The following PLCXD1 variants were observed in gnomAD, a reference collection of about 807,000 sequenced individuals.
PLCXD1 encodes phosphatidylinositol specific phospholipase C X domain containing 1.
In PLCXD1, 45 loss-of-function variants were observed where a neutral mutation model predicts 37.8. The observed-to-expected ratio is 1.19, with a 90% CI of 0.94 to 1.53. The LOEUF (loss-of-function observed/expected upper bound fraction) is 1.53, where lower values mean the gene tolerates loss of function less well. Ranked by LOEUF, PLCXD1 falls within the 40% of genes most tolerant of loss-of-function variation. The pLI is 0.00. For missense variants in PLCXD1, 539 were observed against 454.7 expected (o/e 1.19, Z -1.69); for synonymous variants, 246 against 206.9 (o/e 1.19, Z -1.62).
upstream of PLCXD1, among the ~76,000 whole-genome samples, chrX:279,715 A>C (rs1325472368): frequency 6.6e-6 from 1 of 151,614 alleles, no homozygotes; most frequent in Non-Finnish European, 1.5e-5. Flanking sequence ...CGGAGGCTGC[A>C]GTAAGCTGAG....
chrX:279,013 C>T (rs1030082990), upstream of PLCXD1, among the ~76,000 whole-genome samples: 12 of 151,874 alleles, frequency 7.9e-5, no homozygotes, highest in African/African-American at 2.2e-4. Context: ...AGAGAGTCAG[C>T]GAAGGGAGAT....
At position 293,079 on chromosome X, in the gene PLCXD1, C is replaced by G; in HGVS notation, c.594C>G (p.Val198=). 6.2e-7 allele frequency: 1 copy of G among 1,611,564 alleles called. No individual in the cohort carries two copies. Among genetic ancestry groups the G allele is most frequent in the Non-Finnish European group, 8.5e-7 (1 of 1,179,552 alleles). The change falls in exon 6 of 7, where the codon GTC becomes GTG. Residue 198 remains valine (V), a synonymous_variant. Transcript: ENST00000381657. The part of the protein sequence containing the change: ...LRQLWSRGQQ[V]IVSYEDESSL... ...AGCTGTGGTCCCGGGGCCAACAGGT[C>G]ATCGTCTCCTATGAAGACGAGAGCT...
At chrX:282,392 C>A (rs866797420) in intron 1 of PLCXD1, among the ~76,000 whole-genome samples, 1,304 of 100,610 alleles carry the variant, frequency 0.013, 24 homozygotes, top group African/African-American at 0.052. Flanking sequence ...TTAAAAAAAA[C>A]AAAACAAAAC....
At chrX:284,429 G>A in intron 2 of PLCXD1, 115 bp downstream of exon 2, 3 of 1,183,848 alleles carry the variant, frequency 2.5e-6, no homozygotes, top group South Asian at 2.7e-5. Flanking sequence ...GAGCAATCCT[G>A]GGTGTAGGGA....
chrX:301,928 A>C lies in PLCXD1; in HGVS notation c.*2593A>C, dbSNP rs1257957678. 3 of 152,382 alleles carry C rather than the reference A, an allele frequency of 2.0e-5. No individual in the cohort carries two copies. Among genetic ancestry groups the C allele is most frequent in the Admixed American group, 6.5e-5 (1 of 15,286 alleles). 9.4% of individuals were successfully genotyped at this position (152,382 alleles called of 1,614,324 possible). A position where few individuals can be genotyped will look rare whatever the true frequency, so the allele number is the denominator to read the frequency against. ...GGCGTGAGCCACCGCACCTGGCCTC[A>C]AGCCAGTATTTCCCTGGCCCTAAAT... On this transcript the variant is annotated 3_prime_UTR_variant, in exon 7 of 7. Coordinates refer to ENST00000381657, the MANE Select transcript of PLCXD1 (RefSeq NM_018390.4).
rs968112829 is a variant in PLCXD1, at chrX:300,052, CAA to C, written c.*737_*738del. The C allele has an allele frequency of 0.13, 8,956 of 66,450 alleles. 261 individuals are homozygous for C. The highest frequency in any genetic ancestry group is 0.15 in the Middle Eastern group (17 of 114). The allele number at this position is 66,450 out of a possible 1,614,324, so 4.1% of individuals were successfully genotyped here. A position where few individuals can be genotyped will look rare whatever the true frequency, so the allele number is the denominator to read the frequency against. ...TGGGCGACAGAGCGAGACTCCATCT[CAA>C]AAAAAAAAAAAAAAAAAAAGATGGG... On this transcript the variant is annotated 3_prime_UTR_variant, in exon 7 of 7. Transcript: ENST00000381657.
Position 301,183 on chromosome X carries a change from G to C in PLCXD1, c.*1848G>C, listed in dbSNP as rs887204666. ...ACACCCCCACTGCTGGCTAATTTTT[G>C]TATTTTTGGTAGAGTCAGGGTTTCA... On this transcript the variant is annotated 3_prime_UTR_variant, in exon 7 of 7. Coordinates refer to ENST00000381657, the MANE Select transcript of PLCXD1 (RefSeq NM_018390.4). The C allele has an allele frequency of 1.2e-4, 18 of 152,122 alleles. No homozygotes were observed. Among genetic ancestry groups the C allele is most frequent in the African/African-American group, 3.6e-4 (15 of 41,382 alleles). 9.4% of individuals were successfully genotyped at this position (152,122 alleles called of 1,614,324 possible).
chrX:294,986 G>C (rs1184792073), intron 6 of PLCXD1, among the ~76,000 whole-genome samples: 1 of 151,784 alleles, frequency 6.6e-6, no homozygotes, highest in Non-Finnish European at 1.5e-5. Context: ...GACCAGTCTG[G>C]TGAAACCCCA....
upstream of PLCXD1, among the ~76,000 whole-genome samples, chrX:280,354 A>AGGGGAGGCCGTGCAGGAGG (rs2069238967): frequency 3.6e-5 from 2 of 56,114 alleles, 1 homozygote; most frequent in Non-Finnish European, 6.7e-5. Flanking sequence ...GTGCAGGGGG[A>AGGGGAGGCCGTGCAGGAGG]AGGGGGGCCG....
Position 293,191 on chromosome X carries a change from G to A in PLCXD1, c.706G>A (p.Glu236Lys), listed in dbSNP as rs763349087. ...GACCGAGGCCCTCATCCGATACCTG[G>A]AGACCATGAAGAGCTGCGGCCGCCC... The part of the protein sequence containing the change: ...VKTEALIRYL[E>K]TMKSCGRPGG... Residue 236 changes from glutamate (E) to lysine (K), a missense_variant, in exon 6 of 7, where the codon GAG becomes AAG. Transcript: ENST00000381657. The A allele has an allele frequency of 1.9e-6, 3 of 1,612,196 alleles. No homozygotes were observed. The highest frequency in any genetic ancestry group is 1.7e-6 in the Non-Finnish European group (2 of 1,179,490).
intron 6 of PLCXD1, among the ~76,000 whole-genome samples, chrX:295,236 G>A (rs1410969942): frequency 1.3e-5 from 2 of 152,076 alleles, no homozygotes; most frequent in East Asian, 1.9e-4. Flanking sequence ...AAAAGCCACC[G>A]ACGGGGTGTG....
intron 3 of PLCXD1, 45 bp from the exon 4 acceptor site, chrX:290,603 C>T (rs751330200): frequency 5.2e-5 from 83 of 1,607,482 alleles, no homozygotes; most frequent in East Asian, 1.1e-4. Context: ...GCCCCCCAGA[C>T]GCGGCGCTCA....
Position 290,690 on chromosome X carries a change from C to T in PLCXD1, c.307C>T (p.Leu103=), listed in dbSNP as rs1261321774. ...TEQLDAGVRY[L]DLRIAHMLEG... is the part of the protein sequence containing the mutation. The stretch of plus-strand genomic sequence containing the variant: ...GCAGCTGGATGCCGGGGTGCGGTAC[C>T]TGGACCTGCGGATAGCCCACATGCT... Residue 103 remains leucine (L), a synonymous_variant, in exon 4 of 7, where the codon CTG becomes TTG. Transcript: ENST00000381657. The T allele has an allele frequency of 4.3e-6, 7 of 1,613,674 alleles. No individual in the cohort carries two copies. The South Asian group carries it at 4.4e-5, about 10-fold the overall frequency.
chrX:282,757 G>C (rs2069309369), intron 1 of PLCXD1, among the ~76,000 whole-genome samples: 1 of 148,700 alleles, frequency 6.7e-6, no homozygotes, highest in Non-Finnish European at 1.5e-5. Flanking sequence ...CAGAGGCAGA[G>C]AAAGAATTTA....
At chrX:291,690 G>A (rs374394222) in intron 5 of PLCXD1, 36 bp downstream of exon 5, 2 of 1,605,396 alleles carry the variant, frequency 1.2e-6, no homozygotes, top group African/African-American at 1.3e-5. Context: ...GTCTCTCCCG[G>A]GGCAGGGGCA....
intron 6 of PLCXD1, among the ~76,000 whole-genome samples, chrX:296,053 C>G (rs1266279764): frequency 1.3e-5 from 2 of 152,138 alleles, no homozygotes; most frequent in Non-Finnish European, 2.9e-5. Flanking sequence ...CTCAGGTGAT[C>G]TGCCCGCCTT....
chrX:284,068 T>C (rs1433806597), intron 1 of PLCXD1, 99 bp from the exon 2 acceptor site: 12 of 925,876 alleles, frequency 1.3e-5, no homozygotes, highest in Non-Finnish European at 2.1e-5. Flanking sequence ...TTTTTGTATT[T>C]TTAGTAGAGA....
intron 3 of PLCXD1, among the ~76,000 whole-genome samples, chrX:290,200 G>C (rs775800587): frequency 3.3e-4 from 50 of 152,192 alleles, no homozygotes; most frequent in Admixed American, 9.2e-4. Context: ...GGCCAAGGTG[G>C]GTGGATCACG....
chrX:282,911 T>C (rs1244582428), intron 1 of PLCXD1, among the ~76,000 whole-genome samples: 1 of 143,238 alleles, frequency 7.0e-6, no homozygotes, highest in Non-Finnish European at 1.5e-5. Flanking sequence ...ATATTATATA[T>C]GTATATATGT....
Sources: allele counts gnomAD v4.1 joint callset (sites outside exome capture counted in the v4.1 genomes callset), GRCh38; gene constraint gnomAD v4.1.1; transcripts MANE v1.5; gene names NCBI Gene and HGNC (gene_info 2026-07-23, HGNC 2026-07-21).